The following TPM3 variants were observed in gnomAD, a reference collection of about 807,000 sequenced individuals.
TPM3 encodes tropomyosin alpha-3 chain.
TPM3 carries 16 observed loss-of-function variants against 43.1 expected under a neutral mutation model. The observed-to-expected ratio is 0.37, with a 90% CI of 0.25 to 0.56. The LOEUF (loss-of-function observed/expected upper bound fraction) is 0.56, where lower values mean the gene tolerates loss of function less well. Ranked by LOEUF, TPM3 falls within the 20% of genes least tolerant of loss-of-function variation. The pLI, the probability that TPM3 is intolerant of heterozygous loss-of-function variation, is 0.77. For missense variants in TPM3, 176 were observed against 337.2 expected, an observed-to-expected ratio of 0.52 and a Z score of 3.74; for synonymous variants, 101 against 116.9, an observed-to-expected ratio of 0.86 and a Z score of 0.88.
intron 6 of TPM3, 123 bp from the exon 7 acceptor site, chr1:154,170,834 T>A (rs1661496109): frequency 1.3e-6 from 1 of 758,968 alleles, no homozygotes; most frequent in Non-Finnish European, 2.3e-6. Context: ...GGTCCAAGAG[T>A]AAGAGCAAGG....
At chr1:154,159,865 C>T (rs982586866), downstream of TPM3, among the ~76,000 whole-genome samples, 2 of 152,024 alleles carry the variant, frequency 1.3e-5, no homozygotes, top group East Asian at 1.9e-4. Flanking sequence ...ATATTTCAAT[C>T]TTAAGAGAAA....
In TPM3 at chr1:154,166,462, A is replaced by G. The variant is rs1660970257; in HGVS notation, c.*1475T>C. 3.3e-6 allele frequency: 3 copies of G among 911,108 alleles called. No individual in the cohort carries two copies. Among genetic ancestry groups the G allele is most frequent in the Non-Finnish European group, 4.0e-6 (3 of 740,986 alleles). The allele number at this position is 911,108 out of a possible 1,614,324, so 56.4% of individuals were successfully genotyped here. A position where few individuals can be genotyped will look rare whatever the true frequency, so the allele number is the denominator to read the frequency against. On this transcript the variant is annotated 3_prime_UTR_variant, in exon 10 of 10. Transcript: ENST00000651641. ...ACATCTGACCTGCATAGCACACTAC[A>G]GTGCAGAACTCCTGGGCTCAAGCAA...
intron 2 of TPM3, among the ~76,000 whole-genome samples, chr1:154,184,315 G>A (rs1422750336): frequency 6.6e-6 from 1 of 152,076 alleles, no homozygotes; most frequent in East Asian, 1.9e-4. Flanking sequence ...GGGATTACAG[G>A]TCCCTGTTAC....
downstream of TPM3, chr1:154,159,174 T>G (rs1429940025): frequency 2.9e-6 from 2 of 686,350 alleles, no homozygotes; most frequent in Admixed American, 2.0e-5. Flanking sequence ...AGCTGGTATA[T>G]ATAACATGCA....
chr1:154,160,244 T>A (rs1660211272), downstream of TPM3, among the ~76,000 whole-genome samples: 1 of 152,158 alleles, frequency 6.6e-6, no homozygotes, highest in Non-Finnish European at 1.5e-5. Flanking sequence ...CACAAATAAG[T>A]TTCTCCCTAT....
chr1:154,180,250 A>G (rs1183352554), intron 2 of TPM3, among the ~76,000 whole-genome samples: 1 of 152,210 alleles, frequency 6.6e-6, no homozygotes, highest in Non-Finnish European at 1.5e-5. Context: ...TGTTCACACA[A>G]AGTAACCAGG....
chr1:154,168,489 G>A (rs966815770), intron 9 of TPM3, among the ~76,000 whole-genome samples: 5 of 152,154 alleles, frequency 3.3e-5, no homozygotes, highest in Non-Finnish European at 7.3e-5. Flanking sequence ...TTACAAGTCA[G>A]TCAGGGTTCT....
At chr1:154,176,013 C>T (rs1162689240) in intron 3 of TPM3, 102 bp downstream of exon 3, 11 of 1,580,834 alleles carry the variant, frequency 7.0e-6, no homozygotes, top group Admixed American at 3.3e-5. Flanking sequence ...AGCCATCACA[C>T]GCAGCCAGAA....
At chr1:154,170,617 T>C in intron 7 of TPM3, 32 bp downstream of exon 7, 1 of 1,608,124 alleles carries the variant, frequency 6.2e-7, no homozygotes, top group Admixed American at 1.7e-5. Context: ...CTAAATGTTT[T>C]GGGTTCTGCC....
chr1:154,188,484 G>T (rs964305069), intron 2 of TPM3, among the ~76,000 whole-genome samples: 2 of 150,864 alleles, frequency 1.3e-5, no homozygotes, highest in African/African-American at 2.5e-5. Context: ...GACCATCCTG[G>T]CTAACACGGT....
intron 2 of TPM3, among the ~76,000 whole-genome samples, chr1:154,186,285 C>G (rs1663407296): frequency 6.6e-6 from 1 of 151,456 alleles, no homozygotes; most frequent in Admixed American, 6.6e-5. Flanking sequence ...ACTATTGTAC[C>G]TCCCTGTGCC....
chr1:154,182,945 T>G, intron 2 of TPM3: 2 of 1,609,200 alleles, frequency 1.2e-6, no homozygotes, highest in Non-Finnish European at 1.7e-6. Flanking sequence ...TGCCGGATAC[T>G]CCAGCGCCTG....
intron 6 of TPM3, chr1:154,171,100 G>A (rs964432248): frequency 5.5e-5 from 31 of 563,254 alleles, no homozygotes; most frequent in Non-Finnish European, 8.9e-5. Context: ...AGGTCTCAGA[G>A]CTGATTCTGT....
At chr1:154,171,219 A>G (rs1447494300) in intron 6 of TPM3, 194 bp downstream of exon 6, 2 of 666,892 alleles carry the variant, frequency 3.0e-6, no homozygotes, top group Non-Finnish European at 5.3e-6. Flanking sequence ...CCTGAGACCA[A>G]GAAGTTATTT....
At position 154,191,753 on chromosome 1, in the gene TPM3, T is replaced by G. The variant is rs534779432; in HGVS notation, c.117+149A>C. 358 of 1,585,878 alleles carry G rather than the reference T, an allele frequency of 2.3e-4. 2 individuals carry two copies. In the African/African-American group the frequency reaches 4.2e-3, roughly 19 times the overall value. On this transcript the variant is annotated intron_variant, in intron 1 of 9. Coordinates refer to ENST00000651641, the MANE Select transcript of TPM3 (RefSeq NM_152263.4). ...GGCAGTCTGAGACAGATATGTTAGATATCCTCTGCTCCTCCAGTGAGGCTG... is the reference window on the plus strand; with the variant it reads ...GGCAGTCTGAGACAGATATGTTAGAGATCCTCTGCTCCTCCAGTGAGGCTG...
intron 5 of TPM3, 104 bp from the exon 6 acceptor site, chr1:154,171,592 G>GT (rs1661582729): frequency 2.4e-6 from 3 of 1,252,882 alleles, no homozygotes; most frequent in Non-Finnish European, 1.2e-6. Context: ...TGTAGAGAGA[G>GT]TTGGAAGGCA....
At chr1:154,186,339 G>T (rs543890518) in intron 2 of TPM3, among the ~76,000 whole-genome samples, 2 of 151,624 alleles carry the variant, frequency 1.3e-5, no homozygotes, top group South Asian at 4.1e-4. Context: ...AACCAAGAGG[G>T]TATTGAGAGC....
intron 1 of TPM3, chr1:154,191,593 G>T: frequency 7.2e-7 from 1 of 1,381,266 alleles, no homozygotes; most frequent in Non-Finnish European, 9.4e-7. Context: ...TGCTATTTGA[G>T]TGAAAAGAGA....
rs981773511 is a variant in TPM3 at position 154,163,868 on chromosome 1, C to T, written c.*4069G>A. Among the ~76,000 whole-genome samples the T allele has an allele frequency of 6.6e-6, 1 of 151,964 alleles. No individual in the cohort carries two copies. The highest frequency in any genetic ancestry group is 1.9e-4 in the East Asian group (1 of 5,176). ...CAGGATGGTCTTGATCTCCTGACCT[C>T]GTGATCCGCCCACCTCGGCCTCCCA... On this transcript the variant is annotated 3_prime_UTR_variant, in exon 10 of 10. Transcript: ENST00000651641.
Sources: gnomAD v4.1 joint callset for allele counts (sites outside exome capture counted in the v4.1 genomes callset) on GRCh38, gnomAD v4.1.1 for gene constraint, MANE v1.5 for transcripts, NCBI Gene and HGNC (gene_info 2026-07-23, HGNC 2026-07-21) for gene names.